SLC16A11: variants seen among roughly 807,000 people sequenced by gnomAD.
SLC16A11 encodes monocarboxylate transporter 11.
In SLC16A11, 24 loss-of-function variants were observed where a neutral mutation model predicts 26.0. That is an observed-to-expected ratio of 0.92 (90% CI 0.67 to 1.30). The LOEUF is 1.30. Ranked by LOEUF, SLC16A11 falls within the 50% of genes most tolerant of loss-of-function variation. SLC16A11 has a pLI of 0.00. For synonymous variants in SLC16A11, 332 were observed against 296.0 expected, an observed-to-expected ratio of 1.12 and a Z score of -1.25; for missense variants, 638 against 597.7, an observed-to-expected ratio of 1.07 and a Z score of -0.70.
Position 7,041,903 on chromosome 17 carries a change from G to A in SLC16A11, c.1120C>T (p.Leu374=), listed in dbSNP as rs1597346800. ...GTGAAGTCTCCTGTCTCATCCCTTA[G>A]GAAGCCTGAGGAGATGGGTAAGGGC... ...GLLGPPLSGF[L]RDETGDFTAS... is the part of the protein sequence containing the mutation. Residue 374 remains leucine (L), a synonymous_variant, in exon 5 of 5, where the codon CTA becomes TTA. Coordinates refer to ENST00000574600, the MANE Select transcript of SLC16A11 (RefSeq NM_001370549.1). 1 of 1,613,818 alleles carries A rather than the reference G, an allele frequency of 6.2e-7. No homozygotes were observed. The highest frequency in any genetic ancestry group is 1.3e-5 in the African/African-American group (1 of 75,016).
In SLC16A11 at chr17:7,043,762, C is replaced by G; in HGVS notation, c.-7+13G>C. 1.5e-6 allele frequency: 1 copy of G among 684,166 alleles called. No homozygotes were observed. The highest frequency in any genetic ancestry group is 3.3e-5 in the Admixed American group (1 of 30,154). The allele number at this position is 684,166 out of a possible 1,614,324, so 42.4% of individuals were successfully genotyped here. ...CGAGGTTCCCCGTCCCACGCACACT[C>G]CTTCCCCCTTACCCGACCTCTCCGG... On this transcript the variant is annotated intron_variant, in intron 1 of 4. Coordinates refer to ENST00000574600, the MANE Select transcript of SLC16A11 (RefSeq NM_001370549.1).
In SLC16A11 at chr17:7,042,795, C is replaced by A; in HGVS notation, c.347-32G>T. 6.5e-7 allele frequency: 1 copy of A among 1,545,070 alleles called. No homozygotes were observed. The highest frequency in any genetic ancestry group is 8.7e-7 in the Non-Finnish European group (1 of 1,147,182). ...ATGAATAGGAGGGGATGGGGGCCGG[C>A]ACTGGGGACGCCCGCCCCAGCATTC... is the stretch of plus-strand genomic sequence containing the variant. On this transcript the variant is annotated intron_variant, in intron 3 of 4. Coordinates refer to ENST00000574600, the MANE Select transcript of SLC16A11 (RefSeq NM_001370549.1). The surrounding 1 kb of genome is among the most constrained non-coding windows in gnomAD (Gnocchi z 5.9).
chr17:7,042,036 C>T lies in SLC16A11; in HGVS notation c.1074G>A (p.Met358Ile). ...CCAGGAGCCCCCCGAGGCTCATCAG[C>T]ATCATCACCAGCCCTGTGGCCTGCA... is the stretch of plus-strand genomic sequence containing the variant. ...GVVQATGLVM[M>I]LMSLGGLLGP... The change falls in exon 4 of 5, where the codon ATG (methionine) becomes ATA (isoleucine). Residue 358 changes from methionine to isoleucine, a missense_variant. Physicochemically the swap from Met to Ile is conservative, Grantham distance 10. Coordinates refer to ENST00000574600, the MANE Select transcript of SLC16A11 (RefSeq NM_001370549.1). This position sits in a 1 kb window ranked among gnomAD's most constrained non-coding sequence, Gnocchi z 5.9. 14 of 1,587,998 alleles carry T rather than the reference C, an allele frequency of 8.8e-6. No individual in the cohort carries two copies. Among genetic ancestry groups the T allele is most frequent in the Non-Finnish European group, 1.2e-5 (14 of 1,164,150 alleles).
chr17:7,042,048 C>A lies in SLC16A11; in HGVS notation c.1062G>T (p.Gly354=). Residue 354 remains glycine (G), a synonymous_variant, in exon 4 of 5, where the codon GGG becomes GGT. Transcript: ENST00000574600. The surrounding 1 kb of genome is among the most constrained non-coding windows in gnomAD (Gnocchi z 5.9). ...VGVGGVVQAT[G]LVMMLMSLGG... is the part of the protein sequence containing the mutation. ...CGAGGCTCATCAGCATCATCACCAG[C>A]CCTGTGGCCTGCACCACACCTCCGA... 1 of 1,599,022 alleles carries A rather than the reference C, an allele frequency of 6.3e-7. No homozygotes were observed. Among genetic ancestry groups the A allele is most frequent in the Non-Finnish European group, 8.5e-7 (1 of 1,170,902 alleles).
In SLC16A11 at chr17:7,042,356, C is replaced by G; in HGVS notation, c.754G>C (p.Gly252Arg). The change falls in exon 4 of 5, where the codon GGA becomes CGA. Residue 252 changes from glycine to arginine, a missense_variant. By Grantham distance (125) the Gly-to-Arg change is moderately radical. Coordinates refer to ENST00000574600, the MANE Select transcript of SLC16A11 (RefSeq NM_001370549.1). The surrounding 1 kb of genome is among the most constrained non-coding windows in gnomAD (Gnocchi z 5.9). The part of the protein sequence containing the change: ...APHALDRGLG[G>R]YGAALVVAVA... ...GCCACCACCAGCGCTGCTCCGTATC[C>G]CCCCAGGCCCCGGTCTAAAGCGTGG... 6.4e-7 allele frequency: 1 copy of G among 1,560,344 alleles called. No homozygotes were observed. Among genetic ancestry groups the G allele is most frequent in the Non-Finnish European group, 8.7e-7 (1 of 1,151,170 alleles).
chr17:7,042,066 ACCT>A lies in SLC16A11; in HGVS notation c.1041_1043del (p.Gly348del). ...TCACCAGCCCTGTGGCCTGCACCAC[ACCT>A]CCGACGCCCACCAGCCCGGGGAGTA... On this transcript the variant is annotated inframe_deletion, in exon 4 of 5. Coordinates refer to ENST00000574600, the MANE Select transcript of SLC16A11 (RefSeq NM_001370549.1). The surrounding 1 kb of genome is among the most constrained non-coding windows in gnomAD (Gnocchi z 5.9). 1 of 1,604,334 alleles carries A rather than the reference ACCT, an allele frequency of 6.2e-7. No homozygotes were observed. Among genetic ancestry groups the A allele is most frequent in the Non-Finnish European group, 8.5e-7 (1 of 1,173,708 alleles).
Position 7,043,396 on chromosome 17 carries a change from G to A in SLC16A11, c.118C>T (p.Pro40Ser), listed in dbSNP as rs1567734949. ...CGGTCAAAGTGCTCGGCAAGGTCAGGGAAGGCAAGGCCCAGCGAGCGCAGC... is the reference window on the plus strand; with the variant it reads ...CGGTCAAAGTGCTCGGCAAGGTCAGAGAAGGCAAGGCCCAGCGAGCGCAGC... Reference protein sequence around the residue: ...GLLRSLGLAFPDLAEHFDRSA... With the variant: ...GLLRSLGLAFSDLAEHFDRSA... The change falls in exon 2 of 5, where the codon CCT (proline) becomes TCT (serine). Residue 40 changes from proline to serine, a missense_variant. Pro to Ser is a moderately conservative substitution (Grantham distance 74). Transcript: ENST00000574600. 1.2e-6 allele frequency: 2 copies of A among 1,609,018 alleles called. No homozygotes were observed. The highest frequency in any genetic ancestry group is 2.2e-5 in the East Asian group (1 of 44,830).
chr17:7,042,601 C>G lies in SLC16A11; in HGVS notation c.509G>C (p.Arg170Pro). The G allele has an allele frequency of 6.3e-7, 1 of 1,584,732 alleles. No homozygotes were observed. The highest frequency in any genetic ancestry group is 8.6e-7 in the Non-Finnish European group (1 of 1,168,706). ...LQLLLDTFGW[R>P]GALLLLGAIT... ...CGCGCCGAGGAGGAGCAGAGCGCCCCGCCAGCCGAAAGTATCGAGAAGAAG... is the reference window on the plus strand; with the variant it reads ...CGCGCCGAGGAGGAGCAGAGCGCCCGGCCAGCCGAAAGTATCGAGAAGAAG... The change falls in exon 4 of 5, where the codon CGG becomes CCG. Residue 170 changes from arginine to proline, a missense_variant. Arg to Pro is a moderately radical substitution (Grantham distance 103, BLOSUM62 -2). Transcript: ENST00000574600. This position sits in a 1 kb window ranked among gnomAD's most constrained non-coding sequence, Gnocchi z 5.9.
chr17:7,043,507 G>C lies in SLC16A11; in HGVS notation c.7C>G (p.Pro3Ala), dbSNP rs201214748. 36 of 1,598,666 alleles carry C rather than the reference G, an allele frequency of 2.3e-5. No homozygotes were observed. The East Asian group carries it at 6.5e-4, about 29-fold the overall frequency. MT[P>A]QPAGPPDGGW... ...CCATCCGGGGGTCCGGCGGGCTGGG[G>C]GGTCATCGCCGTCTGCGGGGTGGGG... Residue 3 changes from proline to alanine, a missense_variant, in exon 2 of 5, where the codon CCC becomes GCC. Pro to Ala is a conservative substitution (Grantham distance 27). Coordinates refer to ENST00000574600, the MANE Select transcript of SLC16A11 (RefSeq NM_001370549.1).
Position 7,043,418 on chromosome 17 carries a change from C to T in SLC16A11, c.96G>A (p.Leu32=). ...FAINGLSYGL[L]RSLGLAFPDL... ...CAGGGAAGGCAAGGCCCAGCGAGCG[C>T]AGCAGCCCGTAGGACAGCCCGTTTA... is the stretch of plus-strand genomic sequence containing the variant. The change falls in exon 2 of 5, where the codon CTG becomes CTA. Residue 32 remains leucine (L), a synonymous_variant. Transcript: ENST00000574600. 1 of 1,604,490 alleles carries T rather than the reference C, an allele frequency of 6.2e-7. No homozygotes were observed. The highest frequency in any genetic ancestry group is 1.1e-5 in the South Asian group (1 of 90,528).
At position 7,043,043 on chromosome 17, in the gene SLC16A11, C is replaced by A. The variant is rs1269103527; in HGVS notation, c.233G>T (p.Trp78Leu). 1.9e-6 allele frequency: 3 copies of A among 1,569,996 alleles called. No homozygotes were observed. Among genetic ancestry groups the A allele is most frequent in the Non-Finnish European group, 2.6e-6 (3 of 1,157,516 alleles). Residue 78 changes from tryptophan to leucine, a missense_variant, in exon 3 of 5, where the codon TGG (tryptophan) becomes TTG (leucine). Trp to Leu is a moderately conservative substitution (Grantham distance 61). Transcript: ENST00000574600. ...AACCATCACCACGGGGCGGGCCCCC[C>A]AGCGCGTGCTCAGGGCGCTGCCCAC... The part of the protein sequence containing the change: ...SPVGSALSTR[W>L]GARPVVMVGG...
chr17:7,042,509 C>T lies in SLC16A11; in HGVS notation c.601G>A (p.Ala201Thr), dbSNP rs1353482261. 2.6e-6 allele frequency: 4 copies of T among 1,562,900 alleles called. No individual in the cohort carries two copies. The Admixed American group carries it at 5.8e-5, about 23-fold the overall frequency. Reference protein sequence around the residue: ...LPLVLPGDPPAPPRSPLAALG... With the variant: ...LPLVLPGDPPTPPRSPLAALG... ...GCAGCTAGGGGACTACGCGGTGGGG[C>T]TGGGGGGTCTCCAGGAAGGACCAGG... Residue 201 changes from alanine (A) to threonine (T), a missense_variant, in exon 4 of 5, where the codon GCC becomes ACC. By Grantham distance (58) the Ala-to-Thr change is moderately conservative (BLOSUM62 0). Transcript: ENST00000574600. This position sits in a 1 kb window ranked among gnomAD's most constrained non-coding sequence, Gnocchi z 5.9.
In SLC16A11 at chr17:7,042,103, A is replaced by T; in HGVS notation, c.1007T>A (p.Val336Asp). Residue 336 changes from valine to aspartate, a missense_variant, in exon 4 of 5, where the codon GTT (valine) becomes GAT (aspartate). Coordinates refer to ENST00000574600, the MANE Select transcript of SLC16A11 (RefSeq NM_001370549.1). This position sits in a 1 kb window ranked among gnomAD's most constrained non-coding sequence, Gnocchi z 5.9. ...CACCAGCCCGGGGAGTACACCGAAA[A>T]CCAGCGGGGCGTAACTCCCCGCGCT... is the stretch of plus-strand genomic sequence containing the variant. ...GLSAGSYAPLVFGVLPGLVGV... is the reference protein window; with the variant it reads ...GLSAGSYAPLDFGVLPGLVGV... 1 of 1,605,658 alleles carries T rather than the reference A, an allele frequency of 6.2e-7. No individual in the cohort carries two copies. Among genetic ancestry groups the T allele is most frequent in the Non-Finnish European group, 8.5e-7 (1 of 1,175,530 alleles).
In SLC16A11 at chr17:7,042,183, G is replaced by T; in HGVS notation, c.927C>A (p.Gly309=). The change falls in exon 4 of 5, where the codon GGC becomes GGA. Residue 309 remains glycine, a synonymous_variant. Transcript: ENST00000574600. The surrounding 1 kb of genome is among the most constrained non-coding windows in gnomAD (Gnocchi z 5.9). The stretch of plus-strand genomic sequence containing the variant: ...GGGGACCCCCCCAGCTCTCTTCGCC[G>T]CCCACCACGGGCACCAGCCCCACCA... ...LWVVGLVPVV[G]GEESWGGPLL... 5.1e-6 allele frequency: 8 copies of T among 1,567,502 alleles called. No homozygotes were observed. The highest frequency in any genetic ancestry group is 6.9e-6 in the Non-Finnish European group (8 of 1,158,482).
rs865782605 is a variant in SLC16A11, at chr17:7,042,413, C to T, written c.697G>A (p.Gly233Arg). 1 of 1,559,984 alleles carries T rather than the reference C, an allele frequency of 6.4e-7. No homozygotes were observed. Among genetic ancestry groups the T allele is most frequent in the Non-Finnish European group, 8.7e-7 (1 of 1,151,404 alleles). ...FALGTALVGG[G>R]YFVPYVHLAP... Reference sequence around the variant, plus strand: ...AAGTGCACGTAAGGAACGAAGTACCCGCCCCCAACCAGGGCTGTGCCTAGA... The same window carrying T: ...AAGTGCACGTAAGGAACGAAGTACCTGCCCCCAACCAGGGCTGTGCCTAGA... Residue 233 changes from glycine (G) to arginine (R), a missense_variant, in exon 4 of 5, where the codon GGG (glycine) becomes AGG (arginine). By Grantham distance (125) the Gly-to-Arg change is moderately radical. Coordinates refer to ENST00000574600, the MANE Select transcript of SLC16A11 (RefSeq NM_001370549.1). This position sits in a 1 kb window ranked among gnomAD's most constrained non-coding sequence, Gnocchi z 5.9.
At position 7,042,429 on chromosome 17, in the gene SLC16A11, T is replaced by C. The variant is rs199567226; in HGVS notation, c.681A>G (p.Thr227=). The change falls in exon 4 of 5, where the codon ACA becomes ACG. Residue 227 remains threonine, a synonymous_variant. Transcript: ENST00000574600. The surrounding 1 kb of genome is among the most constrained non-coding windows in gnomAD (Gnocchi z 5.9). ...CGAAGTACCCGCCCCCAACCAGGGC[T>C]GTGCCTAGAGCAAAGATTGAGAAGG... The part of the protein sequence containing the change: ...RRAFSIFALG[T]ALVGGGYFVP... The C allele has an allele frequency of 6.7e-4, 1,051 of 1,558,076 alleles. 1 individual carries two copies. Among genetic ancestry groups the C allele is most frequent in the Non-Finnish European group, 8.8e-4 (1,013 of 1,150,476 alleles).
chr17:7,043,201 CTA>C (rs1472572048), intron 2 of SLC16A11, 109 bp downstream of exon 2: 1 of 1,480,570 alleles, frequency 6.8e-7, no homozygotes, highest in East Asian at 2.4e-5. Flanking sequence ...GCACTCTTTT[CTA>C]GAGCCGGTTG....
rs1204223076 is a variant in SLC16A11 at position 7,043,349 on chromosome 17, C to T, written c.165G>A (p.Trp55Ter). The change falls in exon 2 of 5, where the codon TGG becomes TGA. Residue 55 changes from tryptophan to a stop codon, truncating the protein, a stop_gained. Transcript: ENST00000574600. LOFTEE classifies it high-confidence loss of function. The part of the protein sequence containing the change: ...HFDRSAQDTA[W>*]ISALALAVQQ... Reference sequence around the variant, plus strand: ...GCACGGCCAGGGCCAGGGCGCTGATCCACGCAGTGTCCTGGGCGCTTCGGT... The same window carrying T: ...GCACGGCCAGGGCCAGGGCGCTGATTCACGCAGTGTCCTGGGCGCTTCGGT... 6.2e-7 allele frequency: 1 copy of T among 1,610,362 alleles called. No homozygotes were observed. The highest frequency in any genetic ancestry group is 8.5e-7 in the Non-Finnish European group (1 of 1,179,854).
chr17:7,042,767 C>G lies in SLC16A11; in HGVS notation c.347-4G>C. On this transcript the variant is annotated splice_region_variant and splice_polypyrimidine_tract_variant and intron_variant, in intron 3 of 4. Transcript: ENST00000574600. The surrounding 1 kb of genome is among the most constrained non-coding windows in gnomAD (Gnocchi z 5.9). Reference sequence around the variant, plus strand: ...AACACCAGGGCCCAACCAAAGCCTGCGAATGAATAGGAGGGGATGGGGGCC... The same window carrying G: ...AACACCAGGGCCCAACCAAAGCCTGGGAATGAATAGGAGGGGATGGGGGCC... The G allele has an allele frequency of 6.5e-7, 1 of 1,536,932 alleles. No individual in the cohort carries two copies. Among genetic ancestry groups the G allele is most frequent in the South Asian group, 1.2e-5 (1 of 83,990 alleles).
Sources: allele counts gnomAD v4.1 joint callset, GRCh38; gene constraint gnomAD v4.1.1; non-coding constraint Gnocchi (gnomAD v3.1); transcripts MANE v1.5; gene names NCBI Gene and HGNC (gene_info 2026-07-23, HGNC 2026-07-21).